Variants in SLC6A18 observed in about 807,000 individuals in gnomAD.
The protein encoded by SLC6A18 is solute carrier family 6 member 18.
In SLC6A18, 58 loss-of-function variants were observed where a neutral mutation model predicts 62.9. The ratio of observed to expected loss-of-function variants is 0.92; its 90% CI spans 0.75 to 1.15. The LOEUF is 1.15. SLC6A18 is among the 50% of genes most tolerant of loss of function. The probability of loss-of-function intolerance (pLI) is 0.00; values close to 1 mark genes in which losing one functional copy is unlikely to be tolerated. For synonymous variants in SLC6A18, 382 were observed against 365.8 expected (o/e 1.04, Z -0.51); for missense variants, 793 against 836.6 (o/e 0.95, Z 0.64).
At chr5:1,233,970 T>C (rs968589510) in intron 3 of SLC6A18, among the ~76,000 whole-genome samples, 11 of 152,152 alleles carry the variant, frequency 7.2e-5, no homozygotes, top group Admixed American at 2.6e-4. Flanking sequence ...CTCGATCTCC[T>C]GACCTCGTGA....
chr5:1,243,658 C>A lies in SLC6A18; in HGVS notation c.1235C>A (p.Thr412Asn), dbSNP rs767932255. 6.2e-7 allele frequency: 1 copy of A among 1,613,996 alleles called. No individual in the cohort carries two copies. Among genetic ancestry groups the A allele is most frequent in the Non-Finnish European group, 8.5e-7 (1 of 1,180,014 alleles). ...WAMLFFGMLF[T>N]LGLSTMFGTV... ...ATGCTCTTCTTCGGGATGCTGTTCA[C>A]CTTGGGGCTATCGACCATGTTCGGG... Residue 412 changes from threonine (T) to asparagine (N), a missense_variant, in exon 9 of 12, where the codon ACC becomes AAC. Transcript: ENST00000324642. The surrounding 1 kb of genome is among the most constrained non-coding windows in gnomAD (Gnocchi z 6.5).
intron 4 of SLC6A18, 52 bp downstream of exon 4, chr5:1,235,714 A>C: frequency 6.3e-7 from 1 of 1,580,896 alleles, no homozygotes; most frequent in Non-Finnish European, 8.7e-7. Flanking sequence ...AGCCCCCAAG[A>C]CCCCTCCCCA....
chr5:1,244,181 CT>C, intron 9 of SLC6A18, 32 bp from the exon 10 acceptor site: 7 of 1,360,376 alleles, frequency 5.1e-6, no homozygotes, highest in Non-Finnish European at 7.2e-6. Flanking sequence ...TCCCCATCCC[CT>C]TACCCCCCAC....
chr5:1,237,355 T>C (rs1746910279), intron 4 of SLC6A18, among the ~76,000 whole-genome samples: 1 of 151,534 alleles, frequency 6.6e-6, no homozygotes. Context: ...TCCATGTGGA[T>C]GTCTAGTGTG....
intron 4 of SLC6A18, 66 bp from the exon 5 acceptor site, chr5:1,237,884 T>C (rs1285850907): frequency 7.7e-7 from 1 of 1,304,720 alleles, no homozygotes; most frequent in Non-Finnish European, 1.1e-6. Context: ...GCCTGCCTGC[T>C]TCTCTGAGGC....
At chr5:1,226,067 G>A (rs1461481098) in intron 1 of SLC6A18, among the ~76,000 whole-genome samples, 1 of 152,224 alleles carries the variant, frequency 6.6e-6, no homozygotes. Context: ...ATGTGCTCAG[G>A]TGCCCTTCTC....
At position 1,237,934 on chromosome 5, in the gene SLC6A18, C is replaced by T. The variant is rs754935961; in HGVS notation, c.622-16C>T. ...GAGGCCATTTCAAGTCTCATGACTC[C>T]ACCTTTTGTTTCAAGGTGATTTACT... is the stretch of plus-strand genomic sequence containing the variant. On this transcript the variant is annotated splice_polypyrimidine_tract_variant and intron_variant, in intron 4 of 11. Coordinates refer to ENST00000324642, the MANE Select transcript of SLC6A18 (RefSeq NM_182632.3). The T allele has an allele frequency of 1.9e-6, 3 of 1,604,862 alleles. No homozygotes were observed. Among genetic ancestry groups the T allele is most frequent in the Non-Finnish European group, 2.6e-6 (3 of 1,171,574 alleles).
rs185631475 is a variant in SLC6A18, at chr5:1,243,854, C to T, written c.1336+95C>T. The T allele has an allele frequency of 2.9e-3, 3,498 of 1,187,822 alleles. 12 individuals are homozygous for T. Among genetic ancestry groups the T allele is most frequent in the Non-Finnish European group, 3.3e-3 (2,810 of 862,516 alleles). The allele number at this position is 1,187,822 out of a possible 1,614,324, so 73.6% of individuals were successfully genotyped here. On this transcript the variant is annotated intron_variant, in intron 9 of 11. Coordinates refer to ENST00000324642, the MANE Select transcript of SLC6A18 (RefSeq NM_182632.3). This position sits in a 1 kb window ranked among gnomAD's most constrained non-coding sequence, Gnocchi z 6.5. ...CCAGACGCCCCTCCTGGATGGAGAG[C>T]GCAAGGGGCCAAGCCTGAGTTCAGG...
At position 1,244,854 on chromosome 5, in the gene SLC6A18, C is replaced by G. The variant is rs1027252471; in HGVS notation, c.1656+87C>G. ...ACGGTGCCATCCGGTGCCCGACGAC[C>G]CATGCGGTGCACATTCACGTGCTAG... is the stretch of plus-strand genomic sequence containing the variant. On this transcript the variant is annotated intron_variant, in intron 11 of 11. Transcript: ENST00000324642. 6.3e-6 allele frequency: 9 copies of G among 1,425,158 alleles called. No homozygotes were observed. In the East Asian group the frequency reaches 2.1e-4, roughly 33 times the overall value. 88.3% of individuals were successfully genotyped at this position (1,425,158 alleles called of 1,614,324 possible). A position where few individuals can be genotyped will look rare whatever the true frequency, so the allele number is the denominator to read the frequency against.
intron 2 of SLC6A18, 54 bp from the exon 3 acceptor site, chr5:1,232,697 C>T: frequency 1.3e-6 from 2 of 1,554,518 alleles, no homozygotes; most frequent in East Asian, 2.3e-5. Context: ...TGCTTCTGGG[C>T]AGAGGGAGCT....
rs1051669554 is a variant in SLC6A18 at position 1,241,883 on chromosome 5, C to T, written c.975-824C>T. On this transcript the variant is annotated intron_variant, in intron 7 of 11. Transcript: ENST00000324642. This position sits in a 1 kb window ranked among gnomAD's most constrained non-coding sequence, Gnocchi z 7.8. ...CGTGCGCACAACGCCCTGCGCCGTG[C>T]AGCCCAAGCTGGCCTCGTGTGCCAC... 1.3e-5 allele frequency among the ~76,000 whole-genome samples: 2 copies of T among 152,256 alleles called. No individual in the cohort carries two copies. Among genetic ancestry groups the T allele is most frequent in the African/African-American group, 2.4e-5 (1 of 41,464 alleles).
chr5:1,242,917 G>A, intron 8 of SLC6A18, 54 bp downstream of exon 8: 1 of 1,527,720 alleles, frequency 6.5e-7, no homozygotes, highest in Non-Finnish European at 8.8e-7. Flanking sequence ...GGAGCACCAG[G>A]GCCGCACTGG....
rs756747884 is a variant in SLC6A18, at chr5:1,244,219, G to A, written c.1342G>A (p.Val448Ile). The part of the protein sequence containing the change: ...WVPKEALTGL[V>I]CLVCFLSATC... Reference sequence around the variant, plus strand: ...CCCCTTTCCCACTGCCCCAGGGCTGGTCTGCCTGGTCTGCTTCCTCTCCGC... The same window carrying A: ...CCCCTTTCCCACTGCCCCAGGGCTGATCTGCCTGGTCTGCTTCCTCTCCGC... Residue 448 changes from valine (V) to isoleucine (I), a missense_variant, in exon 10 of 12, where the codon GTC (valine) becomes ATC (isoleucine). Physicochemically the swap from Val to Ile is conservative, Grantham distance 29. Transcript: ENST00000324642. The A allele has an allele frequency of 4.3e-5, 70 of 1,612,240 alleles. No individual in the cohort carries two copies. The South Asian group carries it at 7.6e-4, about 17-fold the overall frequency.
At position 1,244,696 on chromosome 5, in the gene SLC6A18, A is replaced by C. The variant is rs990726351; in HGVS notation, c.1585A>C (p.Thr529Pro). 1.2e-6 allele frequency: 2 copies of C among 1,612,892 alleles called. No homozygotes were observed. The highest frequency in any genetic ancestry group is 1.7e-6 in the Non-Finnish European group (2 of 1,179,332). ...GAGGGTGGTCAGTCCCCTGCTGCTGACCATCTTTGTGGCTTACATCATCCT... is the reference window on the plus strand; with the variant it reads ...GAGGGTGGTCAGTCCCCTGCTGCTGCCCATCTTTGTGGCTTACATCATCCT... ...TWRVVSPLLL[T>P]IFVAYIILLF... Residue 529 changes from threonine to proline, a missense_variant, in exon 11 of 12, where the codon ACC becomes CCC. Coordinates refer to ENST00000324642, the MANE Select transcript of SLC6A18 (RefSeq NM_182632.3).
chr5:1,241,816 G>A lies in SLC6A18; in HGVS notation c.975-891G>A, dbSNP rs1367786113. ...TGTAAAAGTGCGCAAATATTGACGG[G>A]GTTACAAGCACATCTCAATGAGCAG... On this transcript the variant is annotated intron_variant, in intron 7 of 11. Coordinates refer to ENST00000324642, the MANE Select transcript of SLC6A18 (RefSeq NM_182632.3). The surrounding 1 kb of genome is among the most constrained non-coding windows in gnomAD (Gnocchi z 7.8). 6.6e-6 allele frequency among the ~76,000 whole-genome samples: 1 copy of A among 152,176 alleles called. No homozygotes were observed. Among genetic ancestry groups the A allele is most frequent in the Non-Finnish European group, 1.5e-5 (1 of 68,042 alleles).
intron 9 of SLC6A18, 44 bp from the exon 10 acceptor site, chr5:1,244,170 C>CCCCCCCCCCCCCTT: frequency 2.4e-6 from 2 of 818,816 alleles, no homozygotes; most frequent in Admixed American, 2.1e-5. Flanking sequence ...CACACCTCCA[C>CCCCCCCCCCCCCTT]TCCCCATCCC....
chr5:1,225,497 C>G lies in SLC6A18; in HGVS notation c.20C>G (p.Pro7Arg), dbSNP rs201668810. The change falls in exon 1 of 12, where the codon CCG (proline) becomes CGG (arginine). Residue 7 changes from proline (P) to arginine (R), a missense_variant. Pro to Arg is a moderately radical substitution (Grantham distance 103, BLOSUM62 -2). Coordinates refer to ENST00000324642, the MANE Select transcript of SLC6A18 (RefSeq NM_182632.3). The part of the protein sequence containing the change: MAHAPE[P>R]DPAACDLGDE... ...GTCACCATGGCTCATGCCCCAGAAC[C>G]GGACCCGGCCGCCTGCGACCTCGGG... 1.2e-6 allele frequency: 2 copies of G among 1,612,830 alleles called. No individual in the cohort carries two copies. Among genetic ancestry groups the G allele is most frequent in the Admixed American group, 3.3e-5 (2 of 59,978 alleles).
At position 1,245,946 on chromosome 5, in the gene SLC6A18, C is replaced by T; in HGVS notation, c.1755C>T (p.Ala585=). Residue 585 remains alanine (A), a synonymous_variant, in exon 12 of 12, where the codon GCC becomes GCT. Transcript: ENST00000324642. The part of the protein sequence containing the change: ...SLLPVLWVPV[A]ALAQLLTRRR... The stretch of plus-strand genomic sequence containing the variant: ...TGCCCGTGCTGTGGGTCCCGGTGGC[C>T]GCGCTTGCTCAGCTGCTCACCCGGC... 1.2e-6 allele frequency: 2 copies of T among 1,602,868 alleles called. No individual in the cohort carries two copies. The highest frequency in any genetic ancestry group is 1.7e-6 in the Non-Finnish European group (2 of 1,179,360).
In SLC6A18 at chr5:1,232,749, A is replaced by C; in HGVS notation, c.302-2A>C. The C allele has an allele frequency of 6.2e-7, 1 of 1,609,206 alleles. No individual in the cohort carries two copies. Among genetic ancestry groups the C allele is most frequent in the Non-Finnish European group, 8.5e-7 (1 of 1,177,386 alleles). On this transcript the variant is annotated splice_acceptor_variant, in intron 2 of 11. Transcript: ENST00000324642. LOFTEE classifies it high-confidence loss of function. ...GCCACCTGACATGGTCCCTGTCCACAGGGCTGGGCTGTGTCACGCTGTCCT... is the reference window on the plus strand; with the variant it reads ...GCCACCTGACATGGTCCCTGTCCACCGGGCTGGGCTGTGTCACGCTGTCCT...
Sources: gnomAD v4.1 joint callset for allele counts (sites outside exome capture counted in the v4.1 genomes callset) on GRCh38, gnomAD v4.1.1 for gene constraint, Gnocchi (gnomAD v3.1) non-coding constraint, MANE v1.5 for transcripts, NCBI Gene and HGNC (gene_info 2026-07-23, HGNC 2026-07-21) for gene names.